The following RBM19 variants were observed in gnomAD, a reference collection of about 807,000 sequenced individuals.
RBM19 encodes RNA binding motif protein 19, also known as probable RNA-binding protein 19.
Under a neutral mutation model 116.8 loss-of-function variants are expected in RBM19, and 94 were observed. That is an observed-to-expected ratio of 0.80 (90% CI 0.68 to 0.95). The LOEUF is 0.95. RBM19 is among the 40% of genes least tolerant of loss of function. The pLI, the probability that RBM19 is intolerant of heterozygous loss-of-function variation, is 0.00. For missense variants in RBM19, 1,161 were observed against 1,220.7 expected, an observed-to-expected ratio of 0.95 and a Z score of 0.73; for synonymous variants, 475 against 494.1, an observed-to-expected ratio of 0.96 and a Z score of 0.51.
intron 21 of RBM19, among the ~76,000 whole-genome samples, chr12:113,873,697 A>AAG (rs1879460001): frequency 6.6e-6 from 1 of 151,408 alleles, no homozygotes. Flanking sequence ...ATTAAAAAAA[A>AAG]AAAAAAAAAA....
At chr12:113,960,343 C>G (rs1161911189) in intron 2 of RBM19, among the ~76,000 whole-genome samples, 165 bp from the exon 3 acceptor site, 2 of 152,198 alleles carry the variant, frequency 1.3e-5, no homozygotes, top group Non-Finnish European at 2.9e-5. Context: ...TCTTTCCCTT[C>G]AAGTCTAGAA....
chr12:113,947,385 G>T lies in RBM19; in HGVS notation c.1356C>A (p.Phe452Leu). The change falls in exon 11 of 24, where the codon TTC becomes TTA. Residue 452 changes from phenylalanine (F) to leucine (L), a missense_variant. Phe to Leu is a conservative substitution (Grantham distance 22, BLOSUM62 0). Transcript: ENST00000261741. ...AGTAGGCCTTCACAGCGTGCTCAGG[G>T]AACATGAAGGTGATGAATGCAAAAC... ...PKGFAFITFM[F>L]PEHAVKAYSE... is the part of the protein sequence containing the mutation. 1 of 1,611,446 alleles carries T rather than the reference G, an allele frequency of 6.2e-7. No homozygotes were observed. Among genetic ancestry groups the T allele is most frequent in the Non-Finnish European group, 8.5e-7 (1 of 1,177,788 alleles).
At chr12:113,829,528 A>C (rs1414063602) in intron 23 of RBM19, among the ~76,000 whole-genome samples, 2 of 152,208 alleles carry the variant, frequency 1.3e-5, no homozygotes, top group Non-Finnish European at 2.9e-5. Flanking sequence ...AGCATGACCC[A>C]GCATATTCTA....
chr12:113,957,638 G>A (rs1259894415), intron 6 of RBM19, 144 bp downstream of exon 6: 2 of 1,258,468 alleles, frequency 1.6e-6, no homozygotes, highest in Non-Finnish European at 2.0e-6. Flanking sequence ...GCGAGCAAGC[G>A]GCAGGGCCAA....
chr12:113,896,570 A>G (rs7312655), intron 21 of RBM19, among the ~76,000 whole-genome samples: 3,644 of 152,308 alleles, frequency 0.024, 138 homozygotes, highest in African/African-American at 0.082. Context: ...GTGACACCCC[A>G]TTGAGATGGC....
intron 20 of RBM19, among the ~76,000 whole-genome samples, chr12:113,918,128 A>AT (rs1475747159): frequency 7.2e-6 from 1 of 138,674 alleles, no homozygotes; most frequent in Non-Finnish European, 1.6e-5. Context: ...TCCTTTTCTT[A>AT]TTAAAAAAAA....
rs537817226 is a variant in RBM19 at position 113,962,402 on chromosome 12, G to A, written c.49C>T (p.Arg17Cys). ...AAGGCGGCAAACAGCTGCCTGAAACGCTCCTCCTTCATCTAGGACAGAGGG... is the reference window on the plus strand; with the variant it reads ...AAGGCGGCAAACAGCTGCCTGAAACACTCCTCCTTCATCTAGGACAGAGGG... ...KNLPNGMKEE[R>C]FRQLFAAFGT... The change falls in exon 2 of 24, where the codon CGT becomes TGT. Residue 17 changes from arginine (R) to cysteine (C), a missense_variant. Coordinates refer to ENST00000261741, the MANE Select transcript of RBM19 (RefSeq NM_016196.4). 2.1e-4 allele frequency: 338 copies of A among 1,613,370 alleles called. 4 individuals are homozygous for A. In the South Asian group the frequency reaches 3.1e-3, roughly 15 times the overall value.
intron 2 of RBM19, among the ~76,000 whole-genome samples, chr12:113,960,435 C>G (rs1020774772): frequency 2.6e-5 from 4 of 152,218 alleles, no homozygotes; most frequent in African/African-American, 7.2e-5. Flanking sequence ...ACTCCACATG[C>G]CAGGTACTGT....
At chr12:113,878,694 T>C (rs1361088717) in intron 21 of RBM19, among the ~76,000 whole-genome samples, 2 of 148,664 alleles carry the variant, frequency 1.3e-5, no homozygotes, top group Non-Finnish European at 3.0e-5. Flanking sequence ...AAACGTCCCA[T>C]AGCACGGGGA....
chr12:113,844,156 G>A (rs1204308532), intron 23 of RBM19, among the ~76,000 whole-genome samples: 1 of 152,258 alleles, frequency 6.6e-6, no homozygotes, highest in Non-Finnish European at 1.5e-5. Context: ...AGGTGGGTAA[G>A]AGGTGAGTGA....
chr12:113,836,227 G>A (rs908027589), intron 23 of RBM19, among the ~76,000 whole-genome samples: 2 of 152,182 alleles, frequency 1.3e-5, no homozygotes, highest in Admixed American at 6.5e-5. Flanking sequence ...AGGGAGGGAG[G>A]TGCGGGGCAG....
intron 15 of RBM19, chr12:113,937,405 G>GT (rs927235173): frequency 4.1e-5 from 13 of 316,006 alleles, no homozygotes; most frequent in Non-Finnish European, 6.9e-5. Context: ...CCCCCTTTGT[G>GT]TTTTTTCCAA....
intron 21 of RBM19, among the ~76,000 whole-genome samples, chr12:113,913,765 G>C (rs10507241): frequency 0.069 from 10,439 of 152,320 alleles, 757 homozygotes; most frequent in East Asian, 0.39. Flanking sequence ...CCTTGTGCAA[G>C]TGTAGAATGA....
intron 21 of RBM19, among the ~76,000 whole-genome samples, chr12:113,912,774 G>A (rs55827783): frequency 2.0e-5 from 3 of 152,214 alleles, no homozygotes; most frequent in African/African-American, 4.8e-5. Context: ...TTGGTTCCCC[G>A]AAACCCTGAA....
intron 21 of RBM19, among the ~76,000 whole-genome samples, chr12:113,866,848 G>T (rs975497013): frequency 6.6e-6 from 1 of 152,152 alleles, no homozygotes; most frequent in Non-Finnish European, 1.5e-5. Context: ...GAAGCTAGTG[G>T]TCCAGATTAT....
At chr12:113,924,623 G>A in intron 18 of RBM19, 74 bp downstream of exon 18, 1 of 1,345,922 alleles carries the variant, frequency 7.4e-7, no homozygotes, top group South Asian at 1.2e-5. Flanking sequence ...CCCCTTGTCT[G>A]AAGCTGGAGC....
intron 7 of RBM19, among the ~76,000 whole-genome samples, chr12:113,954,221 A>C (rs1024630674): frequency 4.6e-5 from 7 of 152,230 alleles, no homozygotes; most frequent in Non-Finnish European, 8.8e-5. Context: ...AAAACGTCCA[A>C]GAAGAGGCTT....
chr12:113,831,890 C>T (rs977535657), intron 23 of RBM19, among the ~76,000 whole-genome samples: 5 of 152,158 alleles, frequency 3.3e-5, no homozygotes, highest in Non-Finnish European at 7.4e-5. Context: ...GCCTCCAGGA[C>T]CCCCAGCCTC....
chr12:113,947,479 A>G lies in RBM19; in HGVS notation c.1277-15T>C, dbSNP rs939779146. ...AGACAGGGGACCTGAGGACAGGAGA[A>G]GTGTCGGTCTCTGGTAGGCCGCAGC... On this transcript the variant is annotated splice_polypyrimidine_tract_variant and intron_variant, in intron 10 of 23. Transcript: ENST00000261741. 1 of 1,584,734 alleles carries G rather than the reference A, an allele frequency of 6.3e-7. No individual in the cohort carries two copies.
Sources: allele counts gnomAD v4.1 joint callset (sites outside exome capture counted in the v4.1 genomes callset), GRCh38; gene constraint gnomAD v4.1.1; transcripts MANE v1.5; gene names NCBI Gene and HGNC (gene_info 2026-07-23, HGNC 2026-07-21).